NBPF8: variants seen among roughly 807,000 people sequenced by gnomAD.
NBPF8 encodes the protein NBPF member 8.
rs1661561546 is a variant in NBPF8 at position 120,460,763 on chromosome 1, G to T, written n.2836+139G>T. ...ATTACGCCTACTACATTGCTTTTTG[G>T]TTCTCATTAGAGTAAATGTTTAGGT... On this transcript the variant is annotated intron_variant and non_coding_transcript_variant, in intron 18 of 24. Transcript: ENST00000583271. 1.2e-5 allele frequency: 11 copies of T among 948,600 alleles called. 1 individual carries two copies. In the South Asian group the frequency reaches 1.5e-4, roughly 13 times the overall value. 58.8% of individuals were successfully genotyped at this position (948,600 alleles called of 1,614,324 possible).
exon 1 of NBPF8, chr1:120,436,687 G>A (rs1160120665): frequency 7.2e-7 from 1 of 1,383,466 alleles, no homozygotes; most frequent in Non-Finnish European, 1.0e-6. Context: ...CCAACCGACA[G>A]AAGAAATACA....
At chr1:120,427,924 T>C (rs1276638246) in intron 3 of NBPF8, among the ~76,000 whole-genome samples, 77 bp downstream of exon 3, 1 of 151,888 alleles carries the variant, frequency 6.6e-6, no homozygotes, top group African/African-American at 2.4e-5. Context: ...GTCCTTTATT[T>C]TTCTCTCTAA....
At chr1:120,453,579 C>T in intron 14 of NBPF8, 135 bp downstream of exon 12, 1 of 896,516 alleles carries the variant, frequency 1.1e-6, no homozygotes, top group Non-Finnish European at 1.9e-6. Flanking sequence ...TATAACCCAG[C>T]TTAGACACAG....
upstream of NBPF8, among the ~76,000 whole-genome samples, chr1:120,434,319 GTATATATAT>G (rs1661005321): frequency 1.4e-5 from 2 of 144,508 alleles, no homozygotes; most frequent in Admixed American, 1.4e-4. Flanking sequence ...GTATATACAC[GTATATATAT>G]TATATATATT....
intron 3 of NBPF8, among the ~76,000 whole-genome samples, chr1:120,430,974 G>A (rs1284700911): frequency 6.6e-6 from 1 of 150,960 alleles, no homozygotes; most frequent in African/African-American, 2.4e-5. Flanking sequence ...CCGGCATTTT[G>A]GTAGAAATTT....
intron 15 of NBPF8, among the ~76,000 whole-genome samples, chr1:120,454,498 A>G (rs1661378262): frequency 6.6e-6 from 1 of 152,092 alleles, no homozygotes; most frequent in African/African-American, 2.4e-5. Flanking sequence ...TGTATTTGGA[A>G]TTATTGTTCC....
chr1:120,436,335 T>C (rs1661075200), upstream of NBPF8: 1 of 1,533,786 alleles, frequency 6.5e-7, no homozygotes, highest in Admixed American at 2.0e-5. Flanking sequence ...ACCTTGTTTT[T>C]GTGGTGAAGG....
chr1:120,428,390 C>T lies in NBPF8; in HGVS notation n.510+543C>T, dbSNP rs1210681006. Among the ~76,000 whole-genome samples the T allele has an allele frequency of 2.6e-4, 40 of 152,206 alleles. 1 individual carries two copies. Among genetic ancestry groups the T allele is most frequent in the Non-Finnish European group, 5.1e-4 (35 of 68,000 alleles). On this transcript the variant is annotated intron_variant and non_coding_transcript_variant, in intron 3 of 28. Transcript: ENST00000652355. ...TCACAGAATATCAGAGCCAGAGGAA[C>T]ATTTGGAGGTAATTCAGTACCTCCT...
chr1:120,424,116 C>T (rs1469018839), intron 1 of NBPF8, among the ~76,000 whole-genome samples: 2 of 152,208 alleles, frequency 1.3e-5, no homozygotes, highest in Admixed American at 6.5e-5. Context: ...CCCTGGTCCC[C>T]ATGACTGGGT....
chr1:120,452,170 A>T, exon 13 of NBPF8: 1 of 1,602,722 alleles, frequency 6.2e-7, no homozygotes, highest in Non-Finnish European at 8.5e-7. Flanking sequence ...CAGTTAAGGG[A>T]GAAGTTGCGG....
chr1:120,453,641 C>T (rs1390019243), intron 14 of NBPF8, among the ~76,000 whole-genome samples, 197 bp downstream of exon 12: 5 of 151,668 alleles, frequency 3.3e-5, no homozygotes, highest in East Asian at 3.9e-4. Flanking sequence ...ATGTCTGTAC[C>T]GTACAGGGAT....
exon 25 of NBPF8, chr1:120,466,141 G>A: frequency 6.2e-7 from 1 of 1,610,448 alleles, no homozygotes; most frequent in East Asian, 2.2e-5. Context: ...CTTTGCCCTT[G>A]ACATGGACAA....
At chr1:120,467,949 A>G (rs1553250929), downstream of NBPF8, among the ~76,000 whole-genome samples, 5 of 144,924 alleles carry the variant, frequency 3.5e-5, no homozygotes, top group African/African-American at 7.6e-5. Context: ...CGTGAGTGTG[A>G]GAGTGTGTGT....
chr1:120,466,202 G>A (rs1661745109), exon 25 of NBPF8: 3 of 1,609,114 alleles, frequency 1.9e-6, no homozygotes, highest in East Asian at 4.5e-5. Flanking sequence ...TTCCAGATGG[G>A]AGTCATATTC....
At chr1:120,452,089 T>A in intron 12 of NBPF8, 28 bp from the exon 11 acceptor site, 5 of 1,475,076 alleles carry the variant, frequency 3.4e-6, no homozygotes, top group Non-Finnish European at 3.8e-6. Context: ...CTTTCCACTC[T>A]TAAATTTTCT....
upstream of NBPF8, among the ~76,000 whole-genome samples, chr1:120,419,613 C>T (rs1459695056): frequency 1.3e-5 from 2 of 151,900 alleles, no homozygotes; most frequent in Non-Finnish European, 1.5e-5. Context: ...TGTGTGCCAC[C>T]ATGCTGGGCC....
At chr1:120,434,415 T>TTATA (rs55708778), upstream of NBPF8, among the ~76,000 whole-genome samples, 20 of 145,196 alleles carry the variant, frequency 1.4e-4, no homozygotes, top group South Asian at 2.1e-3. Context: ...TGTATATATA[T>TTATA]TATATATATA....
rs1391157545 is a variant in NBPF8, at chr1:120,464,508, A to G, written n.3419A>G. 64 of 1,056,212 alleles carry G rather than the reference A, an allele frequency of 6.1e-5. No homozygotes were observed. In the African/African-American group the frequency reaches 8.5e-4, roughly 14 times the overall value. The allele number at this position is 1,056,212 out of a possible 1,614,324, so 65.4% of individuals were successfully genotyped here. Reference sequence around the variant, plus strand: ...AGCCGTATGGAAGTTCCTTTTATGCATTGGAGGAAAAACATGTTGGCTTTT... The same window carrying G: ...AGCCGTATGGAAGTTCCTTTTATGCGTTGGAGGAAAAACATGTTGGCTTTT... On this transcript the variant is annotated non_coding_transcript_exon_variant, in exon 23 of 25. Coordinates refer to ENST00000583271, the Ensembl canonical transcript of NBPF8.
At chr1:120,459,944 C>A (rs1249567187) in intron 17 of NBPF8, among the ~76,000 whole-genome samples, 3 of 152,042 alleles carry the variant, frequency 2.0e-5, no homozygotes, top group Non-Finnish European at 4.4e-5. Context: ...CTGCCCAAGG[C>A]CAGTGTCACC....
Sources: allele counts gnomAD v4.1 joint callset (sites outside exome capture counted in the v4.1 genomes callset), GRCh38; gene constraint gnomAD v4.1.1; transcripts MANE v1.5; gene names NCBI Gene and HGNC (gene_info 2026-07-23, HGNC 2026-07-21).